Variants in THRB observed in about 807,000 individuals in gnomAD.
The protein encoded by THRB is nuclear receptor subfamily 1 group A member 2.
Under a neutral mutation model 47.8 loss-of-function variants are expected in THRB, and 12 were observed. The observed-to-expected ratio is 0.25, with a 90% CI of 0.16 to 0.41. The LOEUF (loss-of-function observed/expected upper bound fraction) is 0.41, where lower values mean the gene tolerates loss of function less well. Among genes scored for constraint, THRB ranks in the 10% least tolerant of loss-of-function variants. THRB has a pLI of 1.00. For synonymous variants in THRB, 218 were observed against 212.2 expected (o/e 1.03, Z -0.24); for missense variants, 348 against 589.2 (o/e 0.59, Z 4.24).
chr3:24,188,302 GC>G (rs1214079928), intron 5 of THRB, among the ~76,000 whole-genome samples: 2 of 152,136 alleles, frequency 1.3e-5, no homozygotes, highest in Non-Finnish European at 2.9e-5. Context: ...CAGGTACTTT[GC>G]TAAATGCTTA....
intron 2 of THRB, among the ~76,000 whole-genome samples, chr3:24,333,116 G>C (rs1471073851): frequency 2.6e-5 from 4 of 151,630 alleles, no homozygotes; most frequent in Non-Finnish European, 5.9e-5. Context: ...AACAAACAAA[G>C]AAACAAAAAA....
chr3:24,272,162 C>T (rs542026270), intron 3 of THRB, among the ~76,000 whole-genome samples: 4 of 152,032 alleles, frequency 2.6e-5, no homozygotes, highest in Admixed American at 1.3e-4. Context: ...GGCAACACAG[C>T]GAGATCTCTT....
intron 1 of THRB, among the ~76,000 whole-genome samples, chr3:24,483,427 C>T (rs1696774695): frequency 6.6e-6 from 1 of 151,508 alleles, no homozygotes; most frequent in Non-Finnish European, 1.5e-5. Flanking sequence ...GGTTCAGTAC[C>T]TCTGTCAACA....
intron 1 of THRB, among the ~76,000 whole-genome samples, chr3:24,462,238 A>G (rs2362185): frequency 0.3 from 44,931 of 152,048 alleles, 6,735 homozygotes; most frequent in East Asian, 0.36. Context: ...CTTGAGCCCA[A>G]GACACAGGCA....
intron 2 of THRB, among the ~76,000 whole-genome samples, chr3:24,323,937 C>G (rs1047571547): frequency 6.6e-6 from 1 of 152,156 alleles, no homozygotes; most frequent in African/African-American, 2.4e-5. Flanking sequence ...AAACCATAAG[C>G]AGTACTGTTA....
chr3:24,439,590 A>G (rs896916746), intron 1 of THRB, among the ~76,000 whole-genome samples: 1 of 152,190 alleles, frequency 6.6e-6, no homozygotes, highest in African/African-American at 2.4e-5. Context: ...AAGACTTCAC[A>G]ATTCTGTTTT....
At chr3:24,353,804 G>A (rs1265964169) in intron 1 of THRB, among the ~76,000 whole-genome samples, 1 of 151,918 alleles carries the variant, frequency 6.6e-6, no homozygotes, top group Non-Finnish European at 1.5e-5. Flanking sequence ...TCTAAATAAT[G>A]CAATATTTAA....
At chr3:24,203,706 G>A (rs187894753) in intron 4 of THRB, among the ~76,000 whole-genome samples, 1 of 152,284 alleles carries the variant, frequency 6.6e-6, no homozygotes, top group East Asian at 1.9e-4. Flanking sequence ...AGCAGGGCAA[G>A]GCATCACCTC....
intron 2 of THRB, among the ~76,000 whole-genome samples, chr3:24,313,795 A>ATTT (rs1559902866): frequency 1.4e-5 from 2 of 143,570 alleles, no homozygotes; most frequent in African/African-American, 5.3e-5. Flanking sequence ...GCTTTTTTTA[A>ATTT]AAAAAAAAAC....
At chr3:24,163,911 T>C (rs1003528084) in intron 5 of THRB, among the ~76,000 whole-genome samples, 1 of 152,120 alleles carries the variant, frequency 6.6e-6, no homozygotes, top group Non-Finnish European at 1.5e-5. Flanking sequence ...CTTTCAATTA[T>C]AAAGTCACAT....
chr3:24,400,638 G>C (rs2067315983), intron 1 of THRB, among the ~76,000 whole-genome samples: 1 of 152,054 alleles, frequency 6.6e-6, no homozygotes, highest in Non-Finnish European at 1.5e-5. Context: ...GCTACTAGCT[G>C]TAGGGCCAGA....
intron 4 of THRB, among the ~76,000 whole-genome samples, chr3:24,209,417 GA>G (rs2045768838): frequency 6.6e-6 from 1 of 152,110 alleles, no homozygotes; most frequent in Admixed American, 6.5e-5. Context: ...CAAAGACTTG[GA>G]ACCAACCCAA....
At chr3:24,435,834 G>A (rs532137211) in intron 1 of THRB, among the ~76,000 whole-genome samples, 30 of 152,224 alleles carry the variant, frequency 2.0e-4, no homozygotes, top group Admixed American at 1.4e-3. Context: ...CCCCCTCCGC[G>A]GCCCTTCCAA....
intron 2 of THRB, among the ~76,000 whole-genome samples, chr3:24,333,071 G>A (rs1338248419): frequency 6.6e-6 from 1 of 151,996 alleles, no homozygotes. Flanking sequence ...GTGACAGAGC[G>A]AGATTCCATC....
At chr3:24,242,848 G>GC (rs2049688090) in intron 3 of THRB, among the ~76,000 whole-genome samples, 1 of 152,046 alleles carries the variant, frequency 6.6e-6, no homozygotes, top group Admixed American at 6.6e-5. Context: ...GCTCCAGCCA[G>GC]CCCCATCCCA....
chr3:24,428,530 G>T (rs1291210618), intron 1 of THRB, among the ~76,000 whole-genome samples: 1 of 152,014 alleles, frequency 6.6e-6, no homozygotes, highest in African/African-American at 2.4e-5. Flanking sequence ...TTCACCAGGT[G>T]GTGGCAAGTT....
intron 7 of THRB, 86 bp downstream of exon 7, chr3:24,146,589 T>C: frequency 6.9e-7 from 1 of 1,443,026 alleles, no homozygotes; most frequent in East Asian, 2.3e-5. Context: ...GGTTCCTGCC[T>C]TCTTTTCTGC....
At chr3:24,280,858 G>A (rs1466270308) in intron 3 of THRB, among the ~76,000 whole-genome samples, 1 of 152,070 alleles carries the variant, frequency 6.6e-6, no homozygotes, top group East Asian at 1.9e-4. Flanking sequence ...TGAAATGAAT[G>A]AAATGAAGCG....
chr3:24,171,065 C>G (rs2040372193), intron 5 of THRB, among the ~76,000 whole-genome samples: 1 of 152,146 alleles, frequency 6.6e-6, no homozygotes, highest in Non-Finnish European at 1.5e-5. Context: ...TGCCAATCAT[C>G]TCTGCCCCAA....
Sources: gnomAD v4.1 joint callset for allele counts (sites outside exome capture counted in the v4.1 genomes callset) on GRCh38, gnomAD v4.1.1 for gene constraint, MANE v1.5 for transcripts, NCBI Gene and HGNC (gene_info 2026-07-23, HGNC 2026-07-21) for gene names.